Variants in BRWD3 observed in about 807,000 individuals in gnomAD.
The protein encoded by BRWD3 is bromodomain and WD repeat-containing protein 3.
In BRWD3, 10 loss-of-function variants were observed where a neutral mutation model predicts 149.7. The observed-to-expected ratio is 0.07, with a 90% CI of 0.04 to 0.11. BRWD3 has a LOEUF of 0.11. Ranked by LOEUF, BRWD3 falls within the 10% of genes least tolerant of loss-of-function variation. The probability of loss-of-function intolerance (pLI) is 1.00; values close to 1 mark genes in which losing one functional copy is unlikely to be tolerated. For synonymous variants in BRWD3, 504 were observed against 456.7 expected (o/e 1.10, Z -1.32); for missense variants, 940 against 1,373.2 (o/e 0.68, Z 4.99).
chrX:80,796,256 G>A (rs55787046), intron 4 of BRWD3, among the ~76,000 whole-genome samples: 8,133 of 108,926 alleles, frequency 0.075, 655 homozygotes, highest in African/African-American at 0.23. Context: ...TCAGCCTCAC[G>A]AGTAGCTGGG....
At position 80,673,587 on chromosome X, in the gene BRWD3, C is replaced by G. The variant is rs1454933707; in HGVS notation, c.*3022G>C. ...GCTAGTGAATGTTTTAGAGAGCATCCTATTGCTGAAAGAGAAACACACAGT... is the reference window on the plus strand; with the variant it reads ...GCTAGTGAATGTTTTAGAGAGCATCGTATTGCTGAAAGAGAAACACACAGT... On this transcript the variant is annotated 3_prime_UTR_variant, in exon 41 of 41. Coordinates refer to ENST00000373275, the MANE Select transcript of BRWD3 (RefSeq NM_153252.5). The G allele has an allele frequency of 9.0e-6, 1 of 111,294 alleles. No individual in the cohort carries two copies. The highest frequency in any genetic ancestry group is 1.9e-5 in the Non-Finnish European group (1 of 52,939). The allele number at this position is 111,294 out of a possible 1,213,427, so 9.2% of individuals were successfully genotyped here.
intron 37 of BRWD3, among the ~76,000 whole-genome samples, chrX:80,683,033 CTATAGCATTATTCATGTAAAAT>C (rs1041186530): frequency 9.0e-6 from 1 of 111,177 alleles, no homozygotes; most frequent in African/African-American, 3.3e-5. Flanking sequence ...AAGATATTAC[CTATAGCATTATTCATGTAAAAT>C]GGATAACTGG....
Position 80,722,778 on chromosome X carries a change from G to C in BRWD3, c.1660C>G (p.Gln554Glu), listed in dbSNP as rs2073168243. 8.3e-7 allele frequency: 1 copy of C among 1,202,550 alleles called. No homozygotes were observed. Among genetic ancestry groups the C allele is most frequent in the African/African-American group, 1.8e-5 (1 of 57,025 alleles). Residue 554 changes from glutamine to glutamate, a missense_variant, in exon 17 of 41, where the codon CAG becomes GAG. Gln to Glu is a conservative substitution (Grantham distance 29). Transcript: ENST00000373275. ...CGATAATCCGTGTGGAAGAACATCT[G>C]ATCTGGAATCTTTATGACAGATTTT... ...CSKYYEKIPDQMFFHTDYRPL... is the reference protein window; with the variant it reads ...CSKYYEKIPDEMFFHTDYRPL...
At chrX:80,681,944 A>G in intron 39 of BRWD3, 53 bp downstream of exon 39, 1 of 965,881 alleles carries the variant, frequency 1.0e-6, no homozygotes, top group Admixed American at 2.2e-5. Context: ...CTATATCCTT[A>G]ATATCAGAAT....
chrX:80,700,811 T>C (rs2072775861), intron 24 of BRWD3, among the ~76,000 whole-genome samples: 1 of 110,719 alleles, frequency 9.0e-6, no homozygotes, highest in South Asian at 3.8e-4. Context: ...CAACAATTAA[T>C]ATAGCATTTA....
intron 12 of BRWD3, among the ~76,000 whole-genome samples, chrX:80,730,675 T>TTA (rs1387050608): frequency 1.8e-5 from 2 of 111,702 alleles, no homozygotes; most frequent in African/African-American, 3.2e-5. Flanking sequence ...GTCATGTAAA[T>TTA]TATATCTCAA....
At position 80,676,513 on chromosome X, in the gene BRWD3, A is replaced by G. The variant is rs978989823; in HGVS notation, c.*96T>C. On this transcript the variant is annotated 3_prime_UTR_variant, in exon 41 of 41. Transcript: ENST00000373275. ...GAAAAGCACCAATGTGAAAGGAAGCAGAAGTCCCCACACAACTTGCTTTGT... is the reference window on the plus strand; with the variant it reads ...GAAAAGCACCAATGTGAAAGGAAGCGGAAGTCCCCACACAACTTGCTTTGT... 6 of 1,043,325 alleles carry G rather than the reference A, an allele frequency of 5.8e-6. No individual in the cohort carries two copies. Among genetic ancestry groups the G allele is most frequent in the Non-Finnish European group, 7.9e-6 (6 of 758,532 alleles). 86.0% of individuals were successfully genotyped at this position (1,043,325 alleles called of 1,213,427 possible).
chrX:80,679,749 G>A (rs185115462), intron 40 of BRWD3, among the ~76,000 whole-genome samples: 1 of 109,786 alleles, frequency 9.1e-6, no homozygotes, highest in East Asian at 2.9e-4. Context: ...AAAAAAAGAC[G>A]CTAGTTGGCC....
intron 20 of BRWD3, among the ~76,000 whole-genome samples, chrX:80,712,144 A>G (rs1258455140): frequency 1.8e-5 from 2 of 111,620 alleles, no homozygotes; most frequent in Non-Finnish European, 3.8e-5. Flanking sequence ...TGTTTAAAAT[A>G]AAAATGAAAT....
At chrX:80,679,313 A>T (rs1048888447) in intron 40 of BRWD3, among the ~76,000 whole-genome samples, 5 of 112,592 alleles carry the variant, frequency 4.4e-5, no homozygotes, top group African/African-American at 1.3e-4. Flanking sequence ...ATAAATGAAG[A>T]GTCAAAAAAC....
intron 12 of BRWD3, among the ~76,000 whole-genome samples, chrX:80,731,093 A>C (rs1334044931): frequency 9.0e-6 from 1 of 111,338 alleles, no homozygotes; most frequent in African/African-American, 3.3e-5. Flanking sequence ...CATACTGCCA[A>C]ATTGTTTCCC....
chrX:80,750,191 C>G (rs756132926), intron 6 of BRWD3, among the ~76,000 whole-genome samples: 1 of 111,339 alleles, frequency 9.0e-6, no homozygotes, highest in East Asian at 2.8e-4. Context: ...CCAATGATTT[C>G]TTGGGTAGGA....
chrX:80,696,454 C>T (rs911907292), intron 26 of BRWD3, among the ~76,000 whole-genome samples: 1 of 106,831 alleles, frequency 9.4e-6, no homozygotes, highest in African/African-American at 3.4e-5. Context: ...CAAATGAAGA[C>T]ATAAATTCAG....
At position 80,688,098 on chromosome X, in the gene BRWD3, C is replaced by A; in HGVS notation, c.3835G>T (p.Asp1279Tyr). The A allele has an allele frequency of 8.3e-7, 1 of 1,203,541 alleles. No individual in the cohort carries two copies. Among genetic ancestry groups the A allele is most frequent in the Non-Finnish European group, 1.1e-6 (1 of 888,387 alleles). The change falls in exon 34 of 41, where the codon GAC (aspartate) becomes TAC (tyrosine). Residue 1279 changes from aspartate (D) to tyrosine (Y), a missense_variant. By Grantham distance (160) the Asp-to-Tyr change is radical. Around this residue, in one of 6 missense-constraint regions of BRWD3, gnomAD observed 349 missense variants for 419.6 expected, o/e 0.83. Transcript: ENST00000373275. ...CTTCCAGATGAAGTACCAGGACCGT[C>A]TGAATCTAAATCAACAATTTCTGTA... ...EDTEIVDLDS[D>Y]GPGTSSGRKV...
At chrX:80,772,134 T>C (rs1460577090) in intron 6 of BRWD3, among the ~76,000 whole-genome samples, 2 of 111,828 alleles carry the variant, frequency 1.8e-5, no homozygotes, top group African/African-American at 6.5e-5. Context: ...ACGCAAAGGA[T>C]TATAAATCAT....
chrX:80,777,314 A>G (rs916794998), intron 6 of BRWD3, among the ~76,000 whole-genome samples: 1 of 111,802 alleles, frequency 8.9e-6, no homozygotes, highest in Non-Finnish European at 1.9e-5. Flanking sequence ...GGTAACTATC[A>G]TATCTGCTGG....
At chrX:80,751,595 T>C (rs935895192) in intron 6 of BRWD3, among the ~76,000 whole-genome samples, 1 of 112,088 alleles carries the variant, frequency 8.9e-6, no homozygotes, top group African/African-American at 3.2e-5. Flanking sequence ...TCATGGGCTA[T>C]GTGTGCAATT....
At chrX:80,716,032 A>G in intron 20 of BRWD3, 125 bp downstream of exon 20, 2 of 492,083 alleles carry the variant, frequency 4.1e-6, no homozygotes, top group South Asian at 6.5e-5. Context: ...CTCAAAAAGT[A>G]GGTTCCCTAT....
At chrX:80,682,373 G>A (rs2147675499) in intron 38 of BRWD3, 92 bp downstream of exon 38, 1 of 1,021,819 alleles carries the variant, frequency 9.8e-7, no homozygotes, top group Non-Finnish European at 1.4e-6. Context: ...GACCTCTTGG[G>A]ATCTCCCCAA....
Sources: gnomAD v4.1 joint callset for allele counts (sites outside exome capture counted in the v4.1 genomes callset) on GRCh38, gnomAD v4.1.1 for gene constraint, gnomAD v4.1.1 regional missense constraint, MANE v1.5 for transcripts, NCBI Gene and HGNC (gene_info 2026-07-23, HGNC 2026-07-21) for gene names.